SPHKAP: variants seen among roughly 807,000 people sequenced by gnomAD.
The protein encoded by SPHKAP is A-kinase anchor protein SPHKAP.
Under a neutral mutation model 137.5 loss-of-function variants are expected in SPHKAP, and 67 were observed. The ratio of observed to expected loss-of-function variants is 0.49; its 90% CI spans 0.40 to 0.60. SPHKAP has a LOEUF of 0.60. Ranked by LOEUF, SPHKAP falls within the 20% of genes least tolerant of loss-of-function variation. The pLI, the probability that SPHKAP is intolerant of heterozygous loss-of-function variation, is 0.00. For missense variants in SPHKAP, 2,097 were observed against 2,069.3 expected, an observed-to-expected ratio of 1.01 and a Z score of -0.26; for synonymous variants, 813 against 785.3, an observed-to-expected ratio of 1.04 and a Z score of -0.59.
At chr2:228,074,168 G>T (rs1485680890) in intron 3 of SPHKAP, among the ~76,000 whole-genome samples, 1 of 152,150 alleles carries the variant, frequency 6.6e-6, no homozygotes, top group Non-Finnish European at 1.5e-5. Context: ...AAAAAGAAGT[G>T]TTTGCAATGC....
chr2:228,028,223 G>A (rs1695134443), intron 3 of SPHKAP, among the ~76,000 whole-genome samples: 1 of 152,090 alleles, frequency 6.6e-6, no homozygotes, highest in Non-Finnish European at 1.5e-5. Context: ...GTTTGTAATT[G>A]CAATAAATAC....
In SPHKAP at chr2:227,981,583, T is replaced by G; in HGVS notation, c.*134A>C. The G allele has an allele frequency of 8.4e-7, 1 of 1,193,018 alleles. No individual in the cohort carries two copies. The highest frequency in any genetic ancestry group is 1.1e-6 in the Non-Finnish European group (1 of 872,486). 73.9% of individuals were successfully genotyped at this position (1,193,018 alleles called of 1,614,324 possible). On this transcript the variant is annotated 3_prime_UTR_variant, in exon 12 of 12. Coordinates refer to ENST00000392056, the MANE Select transcript of SPHKAP (RefSeq NM_001142644.2). ...TGACTTATTCTGTATGCAGTGGATC[T>G]GAGTAGCAGATTTTTTTTTATAGTT...
intron 1 of SPHKAP, among the ~76,000 whole-genome samples, chr2:228,144,480 C>T (rs1699711151): frequency 6.6e-6 from 1 of 151,110 alleles, no homozygotes; most frequent in Admixed American, 6.6e-5. Flanking sequence ...TATATAGAAA[C>T]ATGAAAATGT....
At chr2:228,124,624 C>A (rs1405771134) in intron 2 of SPHKAP, among the ~76,000 whole-genome samples, 1 of 151,548 alleles carries the variant, frequency 6.6e-6, no homozygotes. Flanking sequence ...AGGAGATATA[C>A]CTAATGTAAA....
intron 2 of SPHKAP, among the ~76,000 whole-genome samples, chr2:228,116,366 C>T (rs1240297684): frequency 2.0e-5 from 3 of 152,060 alleles, no homozygotes; most frequent in Admixed American, 6.6e-5. Context: ...AACTGTTCAA[C>T]GCAAGGCAAG....
rs972304679 is a variant in SPHKAP at position 228,180,503 on chromosome 2, T to C, written c.32+1064A>G. Among the ~76,000 whole-genome samples, 10 of 152,262 alleles carry C rather than the reference T, an allele frequency of 6.6e-5. 2 individuals are homozygous for C. The South Asian group carries it at 2.1e-3, about 32-fold the overall frequency. ...GAATCCGAACTTAAAGTGTTTATTC[T>C]AGGGCCTGGTGCTCTGCTCTGGAAG... is the stretch of plus-strand genomic sequence containing the variant. On this transcript the variant is annotated intron_variant, in intron 1 of 11. Transcript: ENST00000392056.
intron 3 of SPHKAP, among the ~76,000 whole-genome samples, chr2:228,029,066 AGAATCT>A (rs1695180799): frequency 1.3e-5 from 2 of 152,232 alleles, no homozygotes; most frequent in South Asian, 4.1e-4. Context: ...AGGGAATAAG[AGAATCT>A]GACTGCAGGC....
At chr2:228,004,589 C>T (rs1476051173) in intron 7 of SPHKAP, among the ~76,000 whole-genome samples, 1 of 152,100 alleles carries the variant, frequency 6.6e-6, no homozygotes, top group Non-Finnish European at 1.5e-5. Flanking sequence ...TATTTCTTGC[C>T]TTCTGCTATC....
intron 3 of SPHKAP, among the ~76,000 whole-genome samples, chr2:228,081,328 G>A (rs2106315241): frequency 6.6e-6 from 1 of 152,230 alleles, no homozygotes; most frequent in East Asian, 1.9e-4. Context: ...AATCATCTTT[G>A]GAGAAAGGCA....
At chr2:228,016,153 C>A (rs1425498977) in intron 7 of SPHKAP, among the ~76,000 whole-genome samples, 1 of 151,690 alleles carries the variant, frequency 6.6e-6, no homozygotes, top group Non-Finnish European at 1.5e-5. Flanking sequence ...TGCATATTAA[C>A]CTAGGAGATC....
chr2:228,049,994 G>T lies in SPHKAP; in HGVS notation c.247-22451C>A, dbSNP rs557867523. On this transcript the variant is annotated intron_variant, in intron 3 of 11. Coordinates refer to ENST00000392056, the MANE Select transcript of SPHKAP (RefSeq NM_001142644.2). Reference sequence around the variant, plus strand: ...ATAAGAAACTGCAATAACTCAACAAGAAAAAACAAATAACCCCATTAAAAA... The same window carrying T: ...ATAAGAAACTGCAATAACTCAACAATAAAAAACAAATAACCCCATTAAAAA... Among the ~76,000 whole-genome samples the T allele has an allele frequency of 8.6e-5, 13 of 151,816 alleles. No individual in the cohort carries two copies. In the South Asian group the frequency reaches 2.1e-3, roughly 24 times the overall value.
Position 228,017,958 on chromosome 2 carries a change from T to C in SPHKAP, c.2896A>G (p.Ser966Gly). Residue 966 changes from serine (S) to glycine (G), a missense_variant, in exon 7 of 12, where the codon AGT becomes GGT. By Grantham distance (56) the Ser-to-Gly change is moderately conservative. Transcript: ENST00000392056. ...QPWFCAWKRG[S>G]EFLMTPNVPC... ...ACGTTGGGTGTCATCAGAAACTCAC[T>C]CCCTCTTTTCCATGCACAAAACCAG... The C allele has an allele frequency of 6.2e-7, 1 of 1,614,110 alleles. No individual in the cohort carries two copies. The highest frequency in any genetic ancestry group is 8.5e-7 in the Non-Finnish European group (1 of 1,180,016).
chr2:227,998,170 C>T (rs925636759), intron 7 of SPHKAP, among the ~76,000 whole-genome samples: 2 of 152,156 alleles, frequency 1.3e-5, no homozygotes, highest in Non-Finnish European at 2.9e-5. Context: ...CCATGCCTGG[C>T]TAATTTTTTT....
intron 1 of SPHKAP, among the ~76,000 whole-genome samples, chr2:228,176,679 C>T (rs1212176862): frequency 1.3e-5 from 2 of 152,190 alleles, no homozygotes; most frequent in Non-Finnish European, 2.9e-5. Context: ...TTAGACTAGC[C>T]TGACCAACAT....
chr2:228,149,881 T>A lies in SPHKAP; in HGVS notation c.33-17796A>T, dbSNP rs562169966. Reference sequence around the variant, plus strand: ...TGTACACAATCAAATAAACTGGAAATGCTCAGATTTGGTTTCTTCCTTTCT... The same window carrying A: ...TGTACACAATCAAATAAACTGGAAAAGCTCAGATTTGGTTTCTTCCTTTCT... On this transcript the variant is annotated intron_variant, in intron 1 of 11. Coordinates refer to ENST00000392056, the MANE Select transcript of SPHKAP (RefSeq NM_001142644.2). 4.6e-5 allele frequency among the ~76,000 whole-genome samples: 7 copies of A among 152,332 alleles called. No homozygotes were observed. In the East Asian group the frequency reaches 1.3e-3, roughly 29 times the overall value.
chr2:228,162,421 C>A (rs1015255818), intron 1 of SPHKAP, among the ~76,000 whole-genome samples: 1 of 152,086 alleles, frequency 6.6e-6, no homozygotes, highest in Non-Finnish European at 1.5e-5. Flanking sequence ...TGGATCCTTC[C>A]CCTTAATTAC....
At chr2:228,131,304 C>T (rs1369195171) in intron 2 of SPHKAP, 2 of 985,040 alleles carry the variant, frequency 2.0e-6, no homozygotes, top group South Asian at 9.4e-5. Flanking sequence ...TGAGAAGAAA[C>T]ATATACTTCC....
chr2:227,993,929 G>T, intron 8 of SPHKAP: 1 of 496,054 alleles, frequency 2.0e-6, no homozygotes, highest in Non-Finnish European at 2.6e-6. Flanking sequence ...CAATCAGTCT[G>T]CCTCTTTTCT....
chr2:228,102,291 A>T (rs1043291220), intron 3 of SPHKAP, among the ~76,000 whole-genome samples: 3 of 151,560 alleles, frequency 2.0e-5, no homozygotes, highest in African/African-American at 7.3e-5. Flanking sequence ...AATTATGTTT[A>T]TGTTATTTAC....
Sources: gnomAD v4.1 joint callset for allele counts (sites outside exome capture counted in the v4.1 genomes callset) on GRCh38, gnomAD v4.1.1 for gene constraint, MANE v1.5 for transcripts, NCBI Gene and HGNC (gene_info 2026-07-23, HGNC 2026-07-21) for gene names.